PNMA6E: variants seen among roughly 807,000 people sequenced by gnomAD.
PNMA6E encodes the protein PNMA family member 6E.
For synonymous variants in PNMA6E, 43 were observed against 17.1 expected (o/e 2.52, Z -3.74); for missense variants, 78 against 50.8 (o/e 1.53, Z -1.63).
chrX:153,397,545 C>A lies in PNMA6E; in HGVS notation c.1305G>T (p.Arg435Ser), dbSNP rs2088817474. 6.7e-6 allele frequency: 2 copies of A among 298,187 alleles called. No individual in the cohort carries two copies. The highest frequency in any genetic ancestry group is 1.2e-5 in the Non-Finnish European group (2 of 170,837). 24.6% of individuals were successfully genotyped at this position (298,187 alleles called of 1,213,427 possible). Reference sequence around the variant, plus strand: ...GGCAGACGGCCCCCTTCTCCACAGCCCTCTGCAGCAGGCCTTCCAGGCGCA... The same window carrying A: ...GGCAGACGGCCCCCTTCTCCACAGCACTCTGCAGCAGGCCTTCCAGGCGCA... ...FVVRLEGLLQ[R>S]AVEKGAVCPA... Residue 435 changes from arginine to serine, a missense_variant, in exon 2 of 2, where the codon AGG (arginine) becomes AGT (serine). By Grantham distance (110) the Arg-to-Ser change is moderately radical. Transcript: ENST00000445091.
At chrX:153,413,009 C>T in the PNMA6E span, among the ~76,000 whole-genome samples, 3 of 111,234 alleles carry the variant, frequency 2.7e-5, no homozygotes, top group Non-Finnish European at 3.8e-5. Flanking sequence ...GCACCCAGGC[C>T]GGGCCTTGGC....
chrX:153,399,263 T>C (rs1556970909), intron 1 of PNMA6E, among the ~76,000 whole-genome samples: 1 of 111,589 alleles, frequency 9.0e-6, no homozygotes, highest in Admixed American at 9.5e-5. Flanking sequence ...AGTAATATCC[T>C]GTCCTTCATT....
rs2088813890 is a variant in PNMA6E, at chrX:153,397,155, G to C, written c.1695C>G (p.Gly565=). The C allele has an allele frequency of 3.4e-6, 1 of 297,002 alleles. No homozygotes were observed. Among genetic ancestry groups the C allele is most frequent in the Non-Finnish European group, 5.9e-6 (1 of 170,189 alleles). 24.5% of individuals were successfully genotyped at this position (297,002 alleles called of 1,213,427 possible). Residue 565 remains glycine (G), a synonymous_variant, in exon 2 of 2, where the codon GGC becomes GGG. Transcript: ENST00000445091. The part of the protein sequence containing the change: ...AAGEGESAPA[G]PEGLGQARPI... ...GCCTTGCCTGACCTAGGCCTTCGGGGCCTGCAGGGGCACTTTCACCTTCCC... is the reference window on the plus strand; with the variant it reads ...GCCTTGCCTGACCTAGGCCTTCGGGCCCTGCAGGGGCACTTTCACCTTCCC...
upstream of PNMA6E, among the ~76,000 whole-genome samples, chrX:153,404,785 C>G (rs1371935156): frequency 8.9e-6 from 1 of 111,934 alleles, no homozygotes; most frequent in African/African-American, 3.3e-5. Context: ...TCATGCTTTC[C>G]CTCTCCCGTG....
rs192665298 is a variant in PNMA6E, at chrX:153,396,474, G to A, written c.*432C>T. On this transcript the variant is annotated 3_prime_UTR_variant, in exon 2 of 2. Coordinates refer to ENST00000445091, the MANE Select transcript of PNMA6E (RefSeq NM_001367770.1). ...CCCGGAACAGAGGGCAGCCTGCCCC[G>A]GAGATGGCAAGTGGGCTGACCCCTC... 1,008 of 115,093 alleles carry A rather than the reference G, an allele frequency of 8.8e-3. 3 individuals are homozygous for A. Among genetic ancestry groups the A allele is most frequent in the Non-Finnish European group, 0.014 (766 of 54,263 alleles). 9.5% of individuals were successfully genotyped at this position (115,093 alleles called of 1,213,427 possible). A position where few individuals can be genotyped will look rare whatever the true frequency, so the allele number is the denominator to read the frequency against.
Position 153,397,371 on chromosome X carries a change from T to C in PNMA6E, c.1479A>G (p.Ala493=), listed in dbSNP as rs1483415946. The change falls in exon 2 of 2, where the codon GCA becomes GCG. Residue 493 remains alanine (A), a synonymous_variant. Coordinates refer to ENST00000445091, the MANE Select transcript of PNMA6E (RefSeq NM_001367770.1). ...GGCTCCTCGCTGGGAAGGCTGCCCA[T>C]GCCTCCATCTCCCGGATGAGCCGGA... ...GLLRLIREME[A]WAAFPARSQQ... 13 of 297,273 alleles carry C rather than the reference T, an allele frequency of 4.4e-5. No individual in the cohort carries two copies. Among genetic ancestry groups the C allele is most frequent in the Admixed American group, 6.0e-5 (1 of 16,535 alleles). 24.5% of individuals were successfully genotyped at this position (297,273 alleles called of 1,213,427 possible).
At chrX:153,410,845 A>T in the PNMA6E span, among the ~76,000 whole-genome samples, 1 of 112,026 alleles carries the variant, frequency 8.9e-6, no homozygotes, top group East Asian at 2.8e-4. Context: ...CAAAGGTCTC[A>T]CAATTGTCAT....
rs1309237783 is a variant in PNMA6E, at chrX:153,397,768, CTCT to C, written c.1079_1081del (p.Lys360del). ...GCCGCCCAAGCTCTCCAGCAGCCAC[CTCT>C]TCTTCTCCCTTTCCGACGCATGGCA... On this transcript the variant is annotated inframe_deletion, in exon 2 of 2. Transcript: ENST00000445091. The C allele has an allele frequency of 1.6e-5, 5 of 308,093 alleles. No individual in the cohort carries two copies. The highest frequency in any genetic ancestry group is 1.1e-4 in the African/African-American group (4 of 37,020). The allele number at this position is 308,093 out of a possible 1,213,427, so 25.4% of individuals were successfully genotyped here. A position where few individuals can be genotyped will look rare whatever the true frequency, so the allele number is the denominator to read the frequency against.
upstream of PNMA6E, among the ~76,000 whole-genome samples, chrX:153,405,047 C>T (rs963620940): frequency 2.7e-4 from 30 of 112,781 alleles, no homozygotes; most frequent in East Asian, 1.1e-3. Context: ...CCACCATTGC[C>T]GAAGGCAGAA....
At chrX:153,411,715 G>T in the PNMA6E span, among the ~76,000 whole-genome samples, 1 of 113,077 alleles carries the variant, frequency 8.8e-6, no homozygotes, top group African/African-American at 3.2e-5. Flanking sequence ...TAAGAGGGCC[G>T]AGCTGGGCCG....
chrX:153,407,432 C>T, the PNMA6E span, among the ~76,000 whole-genome samples: 1 of 110,705 alleles, frequency 9.0e-6, no homozygotes, highest in Admixed American at 9.6e-5. Flanking sequence ...TGCAGTGGGG[C>T]CATAATAGCT....
intron 1 of PNMA6E, among the ~76,000 whole-genome samples, 191 bp downstream of exon 1, chrX:153,401,053 A>G (rs2088847456): frequency 1.9e-5 from 2 of 106,562 alleles, no homozygotes; most frequent in South Asian, 8.8e-4. Context: ...CGGGAAGCCC[A>G]CCGTGACAGC....
At chrX:153,400,389 C>T (rs1443489462) in intron 1 of PNMA6E, among the ~76,000 whole-genome samples, 1 of 112,450 alleles carries the variant, frequency 8.9e-6, no homozygotes, top group Non-Finnish European at 1.9e-5. Flanking sequence ...CCAGCCCATC[C>T]CCCACCGCAC....
the PNMA6E span, among the ~76,000 whole-genome samples, chrX:153,409,384 A>G: frequency 0.013 from 1,473 of 113,009 alleles, 31 homozygotes; most frequent in African/African-American, 0.044. Context: ...AGGAGGCCCC[A>G]GGCCTCAGGG....
At chrX:153,406,801 G>T in the PNMA6E span, among the ~76,000 whole-genome samples, 1 of 112,515 alleles carries the variant, frequency 8.9e-6, no homozygotes, top group African/African-American at 3.2e-5. Context: ...ACTAGCTAAG[G>T]GTGGCTGGAG....
rs782685589 is a variant in PNMA6E at position 153,395,864 on chromosome X, G to A, written c.*1042C>T. On this transcript the variant is annotated 3_prime_UTR_variant, in exon 2 of 2. Transcript: ENST00000445091. ...GGCCCCAGGGTCTGCCTTTTGCCAGGACAGTGGACTCTGGCAGTGTCCACT... is the reference window on the plus strand; with the variant it reads ...GGCCCCAGGGTCTGCCTTTTGCCAGAACAGTGGACTCTGGCAGTGTCCACT... 1.0e-3 allele frequency: 113 copies of A among 110,887 alleles called. No homozygotes were observed. The highest frequency in any genetic ancestry group is 1.1e-3 in the Non-Finnish European group (57 of 52,792). The allele number at this position is 110,887 out of a possible 1,213,427, so 9.1% of individuals were successfully genotyped here. A position where few individuals can be genotyped will look rare whatever the true frequency, so the allele number is the denominator to read the frequency against.
At chrX:153,413,120 G>A in the PNMA6E span, among the ~76,000 whole-genome samples, 4 of 111,083 alleles carry the variant, frequency 3.6e-5, no homozygotes, top group Non-Finnish European at 7.6e-5. Flanking sequence ...AGAGAAGCAA[G>A]ATCCCCCAGG....
chrX:153,409,031 C>T, the PNMA6E span, among the ~76,000 whole-genome samples: 6 of 112,985 alleles, frequency 5.3e-5, no homozygotes, highest in African/African-American at 9.6e-5. Context: ...CTTGGGAGAC[C>T]GGCTGCCAAC....
chrX:153,409,413 AGAG>A, the PNMA6E span, among the ~76,000 whole-genome samples: 521 of 113,051 alleles, frequency 4.6e-3, 6 homozygotes, highest in South Asian at 0.018. Context: ...AGGGGAGTGG[AGAG>A]GAGGAGAGAG....
Sources: allele counts gnomAD v4.1 joint callset (sites outside exome capture counted in the v4.1 genomes callset), GRCh38; gene constraint gnomAD v4.1.1; transcripts MANE v1.5; gene names NCBI Gene and HGNC (gene_info 2026-07-23, HGNC 2026-07-21).